The following SYN2 variants were observed in gnomAD, a reference collection of about 807,000 sequenced individuals.
SYN2 encodes the protein synapsin II.
A neutral mutation model predicts 50.9 loss-of-function variants in SYN2; 19 were observed. That is an observed-to-expected ratio of 0.37 (90% CI 0.26 to 0.55). The LOEUF is 0.55. SYN2 is among the 20% of genes least tolerant of loss of function. The pLI is 0.81. For synonymous variants in SYN2, 255 were observed against 224.9 expected, an observed-to-expected ratio of 1.13 and a Z score of -1.20; for missense variants, 587 against 576.4, an observed-to-expected ratio of 1.02 and a Z score of -0.19.
chr3:12,024,864 T>G (rs903165360), intron 1 of SYN2, among the ~76,000 whole-genome samples: 1 of 152,196 alleles, frequency 6.6e-6, no homozygotes, highest in Admixed American at 6.5e-5. Flanking sequence ...TTTTACAGTT[T>G]TACAGAATGA....
chr3:12,048,535 A>G (rs749093948), intron 1 of SYN2, among the ~76,000 whole-genome samples: 4 of 152,218 alleles, frequency 2.6e-5, no homozygotes, highest in African/African-American at 9.7e-5. Context: ...TAAAAAGTCT[A>G]CATTTTAATT....
intron 1 of SYN2, among the ~76,000 whole-genome samples, chr3:12,060,022 T>A (rs1695079536): frequency 6.6e-6 from 1 of 152,216 alleles, no homozygotes; most frequent in East Asian, 1.9e-4. Flanking sequence ...CAGAGCAAAG[T>A]GCTGCCCTAA....
At chr3:12,165,919 C>G (rs765999587) in intron 7 of SYN2, among the ~76,000 whole-genome samples, 23 of 151,262 alleles carry the variant, frequency 1.5e-4, no homozygotes, top group Non-Finnish European at 3.1e-4. Flanking sequence ...GGACTTTTAT[C>G]TCATACCTGT....
chr3:12,073,149 T>G (rs1186896519), intron 1 of SYN2, among the ~76,000 whole-genome samples: 1 of 152,170 alleles, frequency 6.6e-6, no homozygotes, highest in African/African-American at 2.4e-5. Context: ...AGAAAGTAAG[T>G]TTTCCCTTAG....
At chr3:12,005,266 A>G (rs910915759) in intron 1 of SYN2, among the ~76,000 whole-genome samples, 1 of 152,162 alleles carries the variant, frequency 6.6e-6, no homozygotes, top group Non-Finnish European at 1.5e-5. Context: ...GTTAGCTTAG[A>G]CACATAAAAT....
chr3:12,158,890 C>G (rs371332507), intron 5 of SYN2: 4 of 1,476,946 alleles, frequency 2.7e-6, no homozygotes, highest in Non-Finnish European at 3.6e-6. Context: ...GACTGGACGG[C>G]CCCAGCAGGG....
At chr3:12,050,138 C>A (rs1694824054) in intron 1 of SYN2, among the ~76,000 whole-genome samples, 1 of 151,932 alleles carries the variant, frequency 6.6e-6, no homozygotes, top group African/African-American at 2.4e-5. Flanking sequence ...TGACCTCAGG[C>A]GATTCACCCG....
At chr3:12,160,933 C>T (rs1218773616) in intron 5 of SYN2, among the ~76,000 whole-genome samples, 4 of 152,196 alleles carry the variant, frequency 2.6e-5, no homozygotes, top group Non-Finnish European at 1.5e-5. Context: ...TATAAACATA[C>T]TGAATTCTTC....
intron 1 of SYN2, among the ~76,000 whole-genome samples, chr3:12,017,815 G>T (rs1218141050): frequency 1.3e-5 from 2 of 152,144 alleles, no homozygotes; most frequent in Non-Finnish European, 2.9e-5. Flanking sequence ...ACTAAAAAAT[G>T]ATTTAGAAAA....
At chr3:12,140,838 C>A in intron 2 of SYN2, 130 bp downstream of exon 2, 1 of 692,996 alleles carries the variant, frequency 1.4e-6, no homozygotes, top group Non-Finnish European at 2.7e-6. Context: ...TGCATCTCCT[C>A]TCTCTCCTAT....
At chr3:12,009,456 A>G (rs1257660046) in intron 1 of SYN2, among the ~76,000 whole-genome samples, 1 of 152,024 alleles carries the variant, frequency 6.6e-6, no homozygotes, top group African/African-American at 2.4e-5. Context: ...TCTCATAATG[A>G]TAGCATTTAA....
At position 12,023,207 on chromosome 3, in the gene SYN2, A is replaced by T. The variant is rs142284343; in HGVS notation, c.377+18279A>T. The stretch of plus-strand genomic sequence containing the variant: ...ATTCAAAAGTGCTTTATAAATAAAA[A>T]AAAAAATCATTGTCATCACCATCAT... On this transcript the variant is annotated intron_variant, in intron 1 of 12. Coordinates refer to ENST00000621198, the MANE Select transcript of SYN2 (RefSeq NM_133625.6). Among the ~76,000 whole-genome samples the T allele has an allele frequency of 7.8e-3, 1,191 of 152,314 alleles. 9 individuals carry two copies. The highest frequency in any genetic ancestry group is 0.022 in the East Asian group (112 of 5,190).
intron 1 of SYN2, among the ~76,000 whole-genome samples, chr3:12,126,746 A>G (rs1414089148): frequency 1.3e-5 from 2 of 152,220 alleles, no homozygotes; most frequent in Non-Finnish European, 2.9e-5. Context: ...TCTACCTTAT[A>G]TAATTCATTA....
intron 1 of SYN2, among the ~76,000 whole-genome samples, chr3:12,088,701 A>G (rs1243888689): frequency 6.6e-6 from 1 of 152,232 alleles, no homozygotes; most frequent in Admixed American, 6.5e-5. Context: ...GGAATACTAT[A>G]CAGCATTTAC....
chr3:12,187,737 TG>T (rs35294573), intron 12 of SYN2, 125 bp downstream of exon 12: 947,814 of 1,329,396 alleles, frequency 0.71, 342,597 homozygotes, highest in South Asian at 0.78. Context: ...TGATGGGATT[TG>T]GTTTTTTTTT....
At chr3:12,016,562 A>G (rs1033333178) in intron 1 of SYN2, among the ~76,000 whole-genome samples, 5 of 152,162 alleles carry the variant, frequency 3.3e-5, no homozygotes, top group Non-Finnish European at 7.4e-5. Context: ...CTGTTTCAAA[A>G]ATTAGGGATG....
chr3:12,171,706 G>A (rs1031810586), intron 10 of SYN2, among the ~76,000 whole-genome samples: 1 of 152,186 alleles, frequency 6.6e-6, no homozygotes, highest in Non-Finnish European at 1.5e-5. Context: ...ACCTTGGGTA[G>A]GTTTATTCCC....
chr3:12,148,069 G>A (rs1400952875), intron 4 of SYN2, among the ~76,000 whole-genome samples: 1 of 151,868 alleles, frequency 6.6e-6, no homozygotes, highest in African/African-American at 2.4e-5. Context: ...AGCCAAGATC[G>A]CACCACTGTA....
At chr3:12,057,287 CTGTGTGTGTG>C (rs59286785) in intron 1 of SYN2, among the ~76,000 whole-genome samples, 13 of 134,004 alleles carry the variant, frequency 9.7e-5, no homozygotes, top group South Asian at 4.9e-4. Flanking sequence ...GCAAGACTGT[CTGTGTGTGTG>C]TGTGTGTGTG....
Sources: gnomAD v4.1 joint callset for allele counts (sites outside exome capture counted in the v4.1 genomes callset) on GRCh38, gnomAD v4.1.1 for gene constraint, MANE v1.5 for transcripts, NCBI Gene and HGNC (gene_info 2026-07-23, HGNC 2026-07-21) for gene names.